Variants in GLIS3 observed in about 807,000 individuals in gnomAD.
The protein encoded by GLIS3 is GLIS family zinc finger 3, also known as zinc finger protein GLIS3.
A neutral mutation model predicts 78.6 loss-of-function variants in GLIS3; 53 were observed. The ratio of observed to expected loss-of-function variants is 0.67; its 90% CI spans 0.54 to 0.85. The LOEUF (loss-of-function observed/expected upper bound fraction) is 0.85. Ranked by LOEUF, GLIS3 falls within the 40% of genes least tolerant of loss-of-function variation. GLIS3 has a pLI of 0.00. For synonymous variants in GLIS3, 684 were observed against 509.9 expected (o/e 1.34, Z -4.60); for missense variants, 1,703 against 1,231.1 (o/e 1.38, Z -5.74).
chr9:3,952,780 C>A (rs1816786206), intron 4 of GLIS3, among the ~76,000 whole-genome samples: 1 of 152,082 alleles, frequency 6.6e-6, no homozygotes, highest in African/African-American at 2.4e-5. Flanking sequence ...TCCTTGGGAG[C>A]TCCTTATAAA....
At chr9:4,122,892 C>T (rs1465202212) in intron 3 of GLIS3, among the ~76,000 whole-genome samples, 1 of 152,140 alleles carries the variant, frequency 6.6e-6, no homozygotes, top group Non-Finnish European at 1.5e-5. Flanking sequence ...AGGCCTAAAT[C>T]GAGAATGACT....
At chr9:4,236,184 C>CAAAAAA (rs59839951) in intron 2 of GLIS3, among the ~76,000 whole-genome samples, 1,359 of 83,754 alleles carry the variant, frequency 0.016, 39 homozygotes, top group Non-Finnish European at 0.022. Flanking sequence ...GTGGTTGTCA[C>CAAAAAA]AAAAAAAAAA....
chr9:4,457,585 C>G, the GLIS3 span, among the ~76,000 whole-genome samples: 3 of 151,918 alleles, frequency 2.0e-5, no homozygotes, highest in Non-Finnish European at 4.4e-5. Flanking sequence ...TGGTGGCTCA[C>G]ATCTGTAATC....
At chr9:4,320,468 A>C (rs977523922) in intron 2 of GLIS3, among the ~76,000 whole-genome samples, 1 of 152,150 alleles carries the variant, frequency 6.6e-6, no homozygotes, top group East Asian at 1.9e-4. Context: ...TTAGGGATTT[A>C]TCCTTCACAC....
intron 2 of GLIS3, among the ~76,000 whole-genome samples, chr9:4,329,452 G>A (rs561857891): frequency 1.4e-4 from 21 of 152,184 alleles, no homozygotes; most frequent in Non-Finnish European, 2.6e-4. Flanking sequence ...TATTTCAAAT[G>A]CCTTTCATTT....
intron 9 of GLIS3, among the ~76,000 whole-genome samples, chr9:3,831,961 T>C (rs1378844051): frequency 1.3e-5 from 2 of 151,926 alleles, no homozygotes; most frequent in Non-Finnish European, 2.9e-5. Flanking sequence ...TGGGTATTTT[T>C]TTTTTGCCTG....
At chr9:3,953,760 G>GCTCT (rs71507912) in intron 4 of GLIS3, among the ~76,000 whole-genome samples, 4,174 of 100,016 alleles carry the variant, frequency 0.042, 94 homozygotes, top group Middle Eastern at 0.053. Context: ...AATTAGATTT[G>GCTCT]CTCTCTCTCT....
intron 2 of GLIS3, among the ~76,000 whole-genome samples, chr9:4,338,801 A>G (rs1447903870): frequency 1.3e-5 from 2 of 152,206 alleles, no homozygotes; most frequent in African/African-American, 4.8e-5. Flanking sequence ...AGGAGCCTGG[A>G]AAAAGCACTG....
At chr9:3,950,256 A>T (rs1271268986) in intron 4 of GLIS3, among the ~76,000 whole-genome samples, 1 of 152,074 alleles carries the variant, frequency 6.6e-6, no homozygotes, top group African/African-American at 2.4e-5. Context: ...GGTCTCCCCC[A>T]TCCACTCTTG....
chr9:4,456,554 C>G, the GLIS3 span, among the ~76,000 whole-genome samples: 1 of 152,214 alleles, frequency 6.6e-6, no homozygotes, highest in African/African-American at 2.4e-5. Flanking sequence ...CTAATTTCTT[C>G]CAATAACTTT....
chr9:4,036,352 T>A (rs900545364), intron 4 of GLIS3, among the ~76,000 whole-genome samples: 2 of 152,194 alleles, frequency 1.3e-5, no homozygotes, highest in Non-Finnish European at 2.9e-5. Context: ...ACTTGTAGTT[T>A]TACTATTCTC....
At chr9:4,352,013 G>C (rs971022620), upstream of GLIS3, among the ~76,000 whole-genome samples, 1 of 152,158 alleles carries the variant, frequency 6.6e-6, no homozygotes, top group Non-Finnish European at 1.5e-5. Flanking sequence ...AAATAAGCAA[G>C]ATCAATTTTC....
the GLIS3 span, among the ~76,000 whole-genome samples, chr9:4,473,454 C>CACCAAAAAAAAAAAAA: frequency 6.0e-4 from 35 of 58,806 alleles, no homozygotes; most frequent in African/African-American, 8.9e-4. Context: ...TCAACAACAA[C>CACCAAAAAAAAAAAAA]AACAACAAAA....
At chr9:4,387,504 G>T in the GLIS3 span, among the ~76,000 whole-genome samples, 1 of 152,200 alleles carries the variant, frequency 6.6e-6, no homozygotes, top group Admixed American at 6.5e-5. Context: ...ACATTCTAGA[G>T]ATGGCTGCAT....
chr9:4,315,894 G>C (rs1389372154), intron 2 of GLIS3, among the ~76,000 whole-genome samples: 1 of 152,146 alleles, frequency 6.6e-6, no homozygotes, highest in Admixed American at 6.5e-5. Flanking sequence ...TCTTAGAGCA[G>C]ATATCTCGTA....
chr9:4,017,438 G>GCACA (rs145332819), intron 4 of GLIS3, among the ~76,000 whole-genome samples: 1 of 151,282 alleles, frequency 6.6e-6, no homozygotes, highest in African/African-American at 2.4e-5. Context: ...AAGCTTGCGT[G>GCACA]CACACACACA....
chr9:4,260,402 T>C (rs1189220121), intron 2 of GLIS3, among the ~76,000 whole-genome samples: 3 of 151,652 alleles, frequency 2.0e-5, no homozygotes, highest in Non-Finnish European at 4.4e-5. Flanking sequence ...CCAACTCTAC[T>C]AAAAAAATAC....
rs1831789643 is a variant in GLIS3 at position 4,117,831 on chromosome 9, G to A, written c.1647C>T (p.Asn549=). The A allele has an allele frequency of 1.2e-6, 2 of 1,614,180 alleles. No individual in the cohort carries two copies. Among genetic ancestry groups the A allele is most frequent in the Non-Finnish European group, 1.7e-6 (2 of 1,180,036 alleles). The change falls in exon 4 of 11, where the codon AAC becomes AAT. Residue 549 remains asparagine (N), a synonymous_variant. Transcript: ENST00000381971. ...AGCPRRYKPF[N]ARYKLLIHMR... ...TGTGGATCAGCAGTTTATAGCGGGC[G>A]TTGAAGGGCTTGTATCTTCGAGGGC...
chr9:4,036,391 T>C (rs1588504906), intron 4 of GLIS3, among the ~76,000 whole-genome samples: 1 of 152,270 alleles, frequency 6.6e-6, no homozygotes, highest in East Asian at 1.9e-4. Context: ...TAGAACAAGA[T>C]AGGATATAAA....
Sources: allele counts gnomAD v4.1 joint callset (sites outside exome capture counted in the v4.1 genomes callset), GRCh38; gene constraint gnomAD v4.1.1; transcripts MANE v1.5; gene names NCBI Gene and HGNC (gene_info 2026-07-23, HGNC 2026-07-21).